Variants in SERPINB11 observed in about 807,000 individuals in gnomAD.
SERPINB11 encodes the protein serpin family B member 11.
A neutral mutation model predicts 36.7 loss-of-function variants in SERPINB11; 32 were observed. That is an observed-to-expected ratio of 0.87 (90% CI 0.66 to 1.17). The LOEUF is 1.17. Ranked by LOEUF, SERPINB11 falls within the 50% of genes most tolerant of loss-of-function variation. The pLI is 0.00. For missense variants in SERPINB11, 528 were observed against 458.4 expected (o/e 1.15, Z -1.39); for synonymous variants, 174 against 168.1 (o/e 1.04, Z -0.27).
At position 63,716,095 on chromosome 18, in the gene SERPINB11, C is replaced by T. The variant is rs1487569680; in HGVS notation, c.418C>T (p.Gln140Ter). 2 of 1,612,130 alleles carry T rather than the reference C, an allele frequency of 1.2e-6. No homozygotes were observed. Among genetic ancestry groups the T allele is most frequent in the African/African-American group, 1.3e-5 (1 of 74,854 alleles). The change falls in exon 5 of 8, where the codon CAG becomes TAG. Residue 140 changes from glutamine to a stop codon, truncating the protein, a stop_gained. Transcript: ENST00000544088. LOFTEE classifies it high-confidence loss of function. ...CAGGTTGCAAACTGTGGATTTTGAA[C>T]AGTCTACAGAAGAAACGAGGAAAAC... ...QARLQTVDFE[Q>*]STEETRKTIN... is the part of the protein sequence containing the mutation.
chr18:63,722,200 T>C (rs1459700024), intron 7 of SERPINB11, among the ~76,000 whole-genome samples: 1 of 152,090 alleles, frequency 6.6e-6, no homozygotes, highest in African/African-American at 2.4e-5. Context: ...AAAAGATACT[T>C]TGGAAGAAAA....
At chr18:63,714,189 G>GCC (rs939209902) in intron 4 of SERPINB11, among the ~76,000 whole-genome samples, 7 of 152,090 alleles carry the variant, frequency 4.6e-5, no homozygotes, top group Non-Finnish European at 1.0e-4. Context: ...GTTCCATGAA[G>GCC]CCCCCCAAGC....
In SERPINB11 at chr18:63,720,155, G is replaced by T. The variant is rs1506420; in HGVS notation, c.618G>T (p.Glu206Asp). 6.3e-7 allele frequency: 1 copy of T among 1,593,882 alleles called. No homozygotes were observed. Among genetic ancestry groups the T allele is most frequent in the Non-Finnish European group, 8.6e-7 (1 of 1,166,172 alleles). The change falls in exon 6 of 8, where the codon GAG (glutamate) becomes GAT (aspartate). Residue 206 changes from glutamate (E) to aspartate (D), a missense_variant and splice_region_variant. Physicochemically the swap from Glu to Asp is conservative, Grantham distance 45. Coordinates refer to ENST00000544088, the MANE Select transcript of SERPINB11 (RefSeq NM_001370475.1). Reference protein sequence around the residue: ...ETVKSPFQLSEGKNVTVEMMY... With the variant: ...ETVKSPFQLSDGKNVTVEMMY... ...TTAAAAGTCCTTTTCAGCTAAGTGA[G>T]GTAAGTATTTTATTTTCAGACTCAT...
At chr18:63,708,558 A>G (rs1237240056) in intron 1 of SERPINB11, among the ~76,000 whole-genome samples, 1 of 152,138 alleles carries the variant, frequency 6.6e-6, no homozygotes, top group Non-Finnish European at 1.5e-5. Flanking sequence ...AGAATAGAAG[A>G]ATGGAATTGC....
intron 1 of SERPINB11, among the ~76,000 whole-genome samples, chr18:63,706,239 T>A (rs187406475): frequency 9.1e-4 from 138 of 152,348 alleles, no homozygotes; most frequent in Non-Finnish European, 2.9e-5. Flanking sequence ...ATAAATGTCA[T>A]GGGTCATTAT....
Position 63,710,313 on chromosome 18 carries a change from C to T in SERPINB11, c.120C>T (p.Ser40=), listed in dbSNP as rs775508147. The T allele has an allele frequency of 4.3e-6, 7 of 1,613,530 alleles. No homozygotes were observed. The African/African-American group carries it at 8.0e-5, about 18-fold the overall frequency. Residue 40 remains serine, a synonymous_variant, in exon 2 of 8, where the codon AGC becomes AGT. Coordinates refer to ENST00000544088, the MANE Select transcript of SERPINB11 (RefSeq NM_001370475.1). ...FSSLSLLYAL[S]MVLLGARGET... ...CGCTGAGTCTGCTTTATGCTCTAAG[C>T]ATGGTCCTCCTTGGTGCCAGGGGAG...
rs114022711 is a variant in SERPINB11, at chr18:63,705,040, A to C, written c.-16+2034A>C. On this transcript the variant is annotated intron_variant, in intron 1 of 7. Coordinates refer to ENST00000544088, the MANE Select transcript of SERPINB11 (RefSeq NM_001370475.1). ...GGATGAATCTTAAAAATATAGTACT[A>C]GGTGAAAAGTATGTGAAAACTTGTA... Among the ~76,000 whole-genome samples, 7 of 152,300 alleles carry C rather than the reference A, an allele frequency of 4.6e-5. No individual in the cohort carries two copies. In the South Asian group the frequency reaches 1.0e-3, roughly 23 times the overall value.
chr18:63,702,688 A>T (rs116342010), upstream of SERPINB11, among the ~76,000 whole-genome samples: 3,506 of 152,220 alleles, frequency 0.023, 52 homozygotes, highest in Middle Eastern at 0.034. Flanking sequence ...TTTAATTTTT[A>T]AAATAGAGAT....
In SERPINB11 at chr18:63,712,592, G is replaced by A. The variant is rs751508430; in HGVS notation, c.256G>A (p.Glu86Lys). 3.1e-6 allele frequency: 5 copies of A among 1,613,640 alleles called. No homozygotes were observed. The highest frequency in any genetic ancestry group is 2.2e-5 in the East Asian group (1 of 44,862). Reference protein sequence around the residue: ...KCSQAGRIHSEFGVEFSQINQ... With the variant: ...KCSQAGRIHSKFGVEFSQINQ... ...CAGCCAAGCTGGAAGAATTCATTCC[G>A]AGTTTGGTGTCGAATTCTCTCAAAT... Residue 86 changes from glutamate to lysine, a missense_variant, in exon 4 of 8, where the codon GAG becomes AAG. Physicochemically the swap from Glu to Lys is moderately conservative, Grantham distance 56 (BLOSUM62 1). Coordinates refer to ENST00000544088, the MANE Select transcript of SERPINB11 (RefSeq NM_001370475.1).
intron 1 of SERPINB11, among the ~76,000 whole-genome samples, chr18:63,706,871 A>G (rs1388375704): frequency 6.6e-6 from 1 of 152,172 alleles, no homozygotes; most frequent in African/African-American, 2.4e-5. Flanking sequence ...ATCCTGGGTT[A>G]TCCTCTTAGA....
rs1169175047 is a variant in SERPINB11, at chr18:63,723,663, A to C, written c.*264A>C. ...TCTCATTTGAGTGCTGTCCAGTGACATGATCAAGTCAATGAGTAAAATTTT... is the reference window on the plus strand; with the variant it reads ...TCTCATTTGAGTGCTGTCCAGTGACCTGATCAAGTCAATGAGTAAAATTTT... On this transcript the variant is annotated 3_prime_UTR_variant, in exon 8 of 8. Coordinates refer to ENST00000544088, the MANE Select transcript of SERPINB11 (RefSeq NM_001370475.1). 2.8e-6 allele frequency: 1 copy of C among 362,300 alleles called. No homozygotes were observed. The highest frequency in any genetic ancestry group is 4.3e-5 in the Admixed American group (1 of 22,998). The allele number at this position is 362,300 out of a possible 1,614,324, so 22.4% of individuals were successfully genotyped here. A position where few individuals can be genotyped will look rare whatever the true frequency, so the allele number is the denominator to read the frequency against.
rs536534151 is a variant in SERPINB11 at position 63,712,513 on chromosome 18, T to C, written c.229-52T>C. Reference sequence around the variant, plus strand: ...TCTCTAGATAGTTATCATTCTCCAATGGCAAAAATCAAGCAATTTAATACA... The same window carrying C: ...TCTCTAGATAGTTATCATTCTCCAACGGCAAAAATCAAGCAATTTAATACA... On this transcript the variant is annotated intron_variant, in intron 3 of 7. Transcript: ENST00000544088. 171 of 1,601,786 alleles carry C rather than the reference T, an allele frequency of 1.1e-4. No homozygotes were observed. In the African/African-American group the frequency reaches 2.1e-3, roughly 20 times the overall value.
At position 63,720,924 on chromosome 18, in the gene SERPINB11, T is replaced by C. The variant is rs1290653094; in HGVS notation, c.712T>C (p.Tyr238His). 6.2e-7 allele frequency: 1 copy of C among 1,607,878 alleles called. No individual in the cohort carries two copies. The highest frequency in any genetic ancestry group is 1.1e-5 in the South Asian group (1 of 89,994). Residue 238 changes from tyrosine to histidine, a missense_variant, in exon 7 of 8, where the codon TAC becomes CAC. By Grantham distance (83) the Tyr-to-His change is moderately conservative. Coordinates refer to ENST00000544088, the MANE Select transcript of SERPINB11 (RefSeq NM_001370475.1). Reference sequence around the variant, plus strand: ...GCAGATGCAAGTTCTTGAGCTGCCCTACGTTAACAACAAATTAAGCATGAT... The same window carrying C: ...GCAGATGCAAGTTCTTGAGCTGCCCCACGTTAACAACAAATTAAGCATGAT... The part of the protein sequence containing the change: ...EPQMQVLELP[Y>H]VNNKLSMIIL...
At position 63,720,045 on chromosome 18, in the gene SERPINB11, A is replaced by G; in HGVS notation, c.508A>G (p.Ile170Val). ...KVANLFGKST[I>V]DPSSVMVLVN... ...CGCAAATCTCTTTGGAAAGAGCACA[A>G]TTGACCCTTCATCTGTAATGGTCCT... Residue 170 changes from isoleucine (I) to valine (V), a missense_variant, in exon 6 of 8, where the codon ATT becomes GTT. Coordinates refer to ENST00000544088, the MANE Select transcript of SERPINB11 (RefSeq NM_001370475.1). 1 of 1,609,526 alleles carries G rather than the reference A, an allele frequency of 6.2e-7. No individual in the cohort carries two copies. Among genetic ancestry groups the G allele is most frequent in the Non-Finnish European group, 8.5e-7 (1 of 1,177,776 alleles).
Position 63,723,693 on chromosome 18 carries a change from G to A in SERPINB11, c.*294G>A, listed in dbSNP as rs373835591. The A allele has an allele frequency of 7.1e-6, 2 of 282,754 alleles. No homozygotes were observed. Among genetic ancestry groups the A allele is most frequent in the East Asian group, 1.3e-4 (2 of 15,770 alleles). The allele number at this position is 282,754 out of a possible 1,614,324, so 17.5% of individuals were successfully genotyped here. A position where few individuals can be genotyped will look rare whatever the true frequency, so the allele number is the denominator to read the frequency against. On this transcript the variant is annotated 3_prime_UTR_variant, in exon 8 of 8. Transcript: ENST00000544088. ...CAAGTCAATGAGTAAAATTTTAAGG[G>A]ATTAGATTTTCTTGACTTGTATGTA...
intron 2 of SERPINB11, 27 bp downstream of exon 2, chr18:63,710,388 A>G (rs1170650665): frequency 7.6e-6 from 12 of 1,571,148 alleles, no homozygotes; most frequent in Non-Finnish European, 9.5e-6. Flanking sequence ...AGGTTTGTTC[A>G]GAACCCAGAA....
chr18:63,710,926 A>T (rs1345282867), intron 2 of SERPINB11, among the ~76,000 whole-genome samples: 1 of 152,218 alleles, frequency 6.6e-6, no homozygotes, highest in East Asian at 1.9e-4. Context: ...CTCTTAGGAT[A>T]CTTGCAAATC....
Position 63,712,565 on chromosome 18 carries a change from T to C in SERPINB11, c.229T>C (p.Cys77Arg), listed in dbSNP as rs199747750. The change falls in exon 4 of 8, where the codon TGC becomes CGC. Residue 77 changes from cysteine to arginine, a missense_variant and splice_region_variant. Physicochemically the swap from Cys to Arg is radical, Grantham distance 180 (BLOSUM62 -3). Coordinates refer to ENST00000544088, the MANE Select transcript of SERPINB11 (RefSeq NM_001370475.1). ...LKPGFKDSPK[C>R]SQAGRIHSEF... is the part of the protein sequence containing the mutation. ...CATTCTTTGTTTACTGATGCTTCAG[T>C]GCAGCCAAGCTGGAAGAATTCATTC... The C allele has an allele frequency of 1.1e-4, 172 of 1,613,650 alleles. No homozygotes were observed. The highest frequency in any genetic ancestry group is 1.4e-4 in the Non-Finnish European group (163 of 1,179,684).
At chr18:63,719,790 TG>T (rs1914756547) in intron 5 of SERPINB11, among the ~76,000 whole-genome samples, 1 of 152,122 alleles carries the variant, frequency 6.6e-6, no homozygotes. Flanking sequence ...GGCTACTTCC[TG>T]GGTGCCGTCT....
Sources: allele counts gnomAD v4.1 joint callset (sites outside exome capture counted in the v4.1 genomes callset), GRCh38; gene constraint gnomAD v4.1.1; transcripts MANE v1.5; gene names NCBI Gene and HGNC (gene_info 2026-07-23, HGNC 2026-07-21).